The following KNDC1 variants were observed in gnomAD, a reference collection of about 807,000 sequenced individuals.
The protein encoded by KNDC1 is kinase non-catalytic C-lobe domain-containing protein 1.
Under a neutral mutation model 172.8 loss-of-function variants are expected in KNDC1, and 106 were observed. The observed-to-expected ratio is 0.61, with a 90% CI of 0.52 to 0.72. The LOEUF (loss-of-function observed/expected upper bound fraction) is 0.72. Among genes scored for constraint, KNDC1 ranks in the 30% least tolerant of loss-of-function variants. KNDC1 has a pLI of 0.00. For synonymous variants in KNDC1, 1,083 were observed against 1,062.2 expected, an observed-to-expected ratio of 1.02 and a Z score of -0.38; for missense variants, 2,325 against 2,394.5, an observed-to-expected ratio of 0.97 and a Z score of 0.61.
chr10:133,189,536 C>A (rs1854020236), intron 7 of KNDC1, 62 bp from the exon 8 acceptor site: 1 of 1,530,460 alleles, frequency 6.5e-7, no homozygotes, highest in Non-Finnish European at 9.0e-7. Flanking sequence ...AGCTCCTTCC[C>A]CCCAGCCAGC....
Position 133,168,323 on chromosome 10 carries a change from G to C in KNDC1, c.360+11G>C, listed in dbSNP as rs1461250456. 6.2e-7 allele frequency: 1 copy of C among 1,613,494 alleles called. No individual in the cohort carries two copies. The highest frequency in any genetic ancestry group is 8.5e-7 in the Non-Finnish European group (1 of 1,179,388). On this transcript the variant is annotated intron_variant, in intron 3 of 29. Transcript: ENST00000304613. ...GGGAACACCTTTGAGGTAAGTGCAGGTGGGGGTAATGTGCCACACCCCCCT... is the reference window on the plus strand; with the variant it reads ...GGGAACACCTTTGAGGTAAGTGCAGCTGGGGGTAATGTGCCACACCCCCCT...
Position 133,207,221 on chromosome 10 carries a change from G to C in KNDC1, c.3664G>C (p.Asp1222His). 1 of 1,612,604 alleles carries C rather than the reference G, an allele frequency of 6.2e-7. No individual in the cohort carries two copies. The highest frequency in any genetic ancestry group is 1.1e-5 in the South Asian group (1 of 91,076). The stretch of plus-strand genomic sequence containing the variant: ...CGCGGCCGCACCCTGCGACACGCTG[G>C]ACTTCAGCCCCCTGGACGAGTCCTC... Reference protein sequence around the residue: ...NIAAAPCDTLDFSPLDESSSL... With the variant: ...NIAAAPCDTLHFSPLDESSSL... The change falls in exon 20 of 30, where the codon GAC becomes CAC. Residue 1222 changes from aspartate (D) to histidine (H), a missense_variant. Physicochemically the swap from Asp to His is moderately conservative, Grantham distance 81. Transcript: ENST00000304613.
chr10:133,196,797 G>A (rs940782379), intron 10 of KNDC1, among the ~76,000 whole-genome samples: 5 of 152,192 alleles, frequency 3.3e-5, no homozygotes, highest in South Asian at 4.1e-4. Context: ...TCCAGGCGAC[G>A]AGGCTACCAG....
chr10:133,222,352 C>A (rs1009220320), intron 29 of KNDC1, among the ~76,000 whole-genome samples: 1 of 152,192 alleles, frequency 6.6e-6, no homozygotes, highest in Non-Finnish European at 1.5e-5. Flanking sequence ...CACTTGCTCT[C>A]CACAGCGTCC....
chr10:133,207,223 C>T lies in KNDC1; in HGVS notation c.3666C>T (p.Asp1222=). The T allele has an allele frequency of 4.3e-6, 7 of 1,612,736 alleles. No homozygotes were observed. Among genetic ancestry groups the T allele is most frequent in the Non-Finnish European group, 5.9e-6 (7 of 1,179,942 alleles). The change falls in exon 20 of 30, where the codon GAC becomes GAT. Residue 1222 remains aspartate, a synonymous_variant. Transcript: ENST00000304613. The part of the protein sequence containing the change: ...NIAAAPCDTL[D]FSPLDESSSL... ...CGGCCGCACCCTGCGACACGCTGGA[C>T]TTCAGCCCCCTGGACGAGTCCTCCT... is the stretch of plus-strand genomic sequence containing the variant.
At position 133,163,159 on chromosome 10, in the gene KNDC1, G is replaced by A. The variant is rs982975962; in HGVS notation, c.102+2590G>A. On this transcript the variant is annotated intron_variant, in intron 1 of 29. Transcript: ENST00000304613. The surrounding 1 kb of genome is among the most constrained non-coding windows in gnomAD (Gnocchi z 4.4). ...GCAGAAGAGGCACACAGTCCAGGCG[G>A]CTGGAGTCGATGGATGGGCAATGCT... Among the ~76,000 whole-genome samples the A allele has an allele frequency of 1.3e-5, 2 of 152,214 alleles. No homozygotes were observed. Among genetic ancestry groups the A allele is most frequent in the Admixed American group, 1.3e-4 (2 of 15,284 alleles).
At position 133,212,849 on chromosome 10, in the gene KNDC1, G is replaced by C. The variant is rs142851422; in HGVS notation, c.4370G>C (p.Ser1457Thr). 3.2e-5 allele frequency: 52 copies of C among 1,613,876 alleles called. No homozygotes were observed. The highest frequency in any genetic ancestry group is 4.3e-5 in the Non-Finnish European group (51 of 1,179,968). ...EDFYGPCAKT[S>T]EKGPYFLTEY... is the part of the protein sequence containing the mutation. ...TTCTACGGCCCCTGCGCCAAGACCA[G>C]TGAGAAGGGGCCCTACTTCCTGACG... The change falls in exon 24 of 30, where the codon AGT becomes ACT. Residue 1457 changes from serine to threonine, a missense_variant. Coordinates refer to ENST00000304613, the MANE Select transcript of KNDC1 (RefSeq NM_152643.8).
chr10:133,179,010 C>G (rs1225650090), intron 3 of KNDC1: 2 of 152,252 alleles, frequency 1.3e-5, no homozygotes, highest in Non-Finnish European at 2.9e-5. Flanking sequence ...CACCTGTTTT[C>G]AAAGCAGTGA....
chr10:133,211,946 C>G, intron 23 of KNDC1, 88 bp downstream of exon 23: 1 of 1,285,970 alleles, frequency 7.8e-7, no homozygotes, highest in Admixed American at 2.7e-5. Flanking sequence ...GGTGCATGCA[C>G]ACACATACAC....
chr10:133,197,748 C>G lies in KNDC1; in HGVS notation c.1886C>G (p.Pro629Arg). ...SVVELKPSVA[P>R]APEPSPGFLP... ...GTTGAACTGAAGCCCAGTGTGGCAC[C>G]AGCCCCAGAGCCCAGCCCAGGTGGG... The change falls in exon 12 of 30, where the codon CCA (proline) becomes CGA (arginine). Residue 629 changes from proline (P) to arginine (R), a missense_variant. Physicochemically the swap from Pro to Arg is moderately radical, Grantham distance 103 (BLOSUM62 -2). Transcript: ENST00000304613. 6.2e-7 allele frequency: 1 copy of G among 1,612,568 alleles called. No individual in the cohort carries two copies. Among genetic ancestry groups the G allele is most frequent in the Non-Finnish European group, 8.5e-7 (1 of 1,179,830 alleles).
chr10:133,184,224 CACACACACCCAT>C, intron 5 of KNDC1, among the ~76,000 whole-genome samples: 3 of 60,626 alleles, frequency 4.9e-5, no homozygotes, highest in Middle Eastern at 0.013. Flanking sequence ...CACACCCATG[CACACACACCCAT>C]GCGCACACAC....
At chr10:133,212,482 C>T (rs1418821221) in intron 23 of KNDC1, among the ~76,000 whole-genome samples, 3 of 152,232 alleles carry the variant, frequency 2.0e-5, no homozygotes, top group Non-Finnish European at 4.4e-5. Context: ...AATGCCCTCT[C>T]CATTAAACCT....
At chr10:133,220,819 C>G (rs556509056) in intron 29 of KNDC1, among the ~76,000 whole-genome samples, 151 of 100,826 alleles carry the variant, frequency 1.5e-3, no homozygotes, top group Middle Eastern at 0.017. Flanking sequence ...GCGCCCAGGT[C>G]AGGAGGGGCT....
rs780584119 is a variant in KNDC1 at position 133,168,322 on chromosome 10, G to T, written c.360+10G>T. ...CGGGAACACCTTTGAGGTAAGTGCA[G>T]GTGGGGGTAATGTGCCACACCCCCC... On this transcript the variant is annotated intron_variant, in intron 3 of 29. Transcript: ENST00000304613. 12 of 1,613,456 alleles carry T rather than the reference G, an allele frequency of 7.4e-6. No individual in the cohort carries two copies. The highest frequency in any genetic ancestry group is 1.0e-5 in the Non-Finnish European group (12 of 1,179,480).
At chr10:133,167,749 C>T (rs1025948648) in intron 2 of KNDC1, among the ~76,000 whole-genome samples, 170 bp downstream of exon 2, 9 of 151,896 alleles carry the variant, frequency 5.9e-5, no homozygotes, top group East Asian at 2.0e-4. Context: ...GGAGAGTGGC[C>T]GAGGGTCCGT....
intron 9 of KNDC1, among the ~76,000 whole-genome samples, chr10:133,195,140 C>T (rs753202797): frequency 2.0e-5 from 3 of 152,228 alleles, no homozygotes; most frequent in Non-Finnish European, 4.4e-5. Context: ...GTGGAACTTA[C>T]AAAACGTGCA....
chr10:133,180,117 C>T (rs989507687), intron 3 of KNDC1, among the ~76,000 whole-genome samples: 8 of 152,252 alleles, frequency 5.3e-5, no homozygotes, highest in South Asian at 4.1e-4. Flanking sequence ...TGCTCTTCGC[C>T]GGTGGCTCAA....
intron 7 of KNDC1, 41 bp from the exon 8 acceptor site, chr10:133,189,557 G>C: frequency 1.3e-6 from 2 of 1,594,514 alleles, no homozygotes; most frequent in Non-Finnish European, 1.7e-6. Flanking sequence ...CCCAAGTGCG[G>C]GGCAGCATGC....
At chr10:133,197,244 C>T (rs1854219039) in intron 11 of KNDC1, 109 bp downstream of exon 11, 2 of 819,820 alleles carry the variant, frequency 2.4e-6, no homozygotes, top group Admixed American at 4.1e-5. Context: ...ACCCCGGTCT[C>T]TGTTGACCAC....
Sources: allele counts gnomAD v4.1 joint callset (sites outside exome capture counted in the v4.1 genomes callset), GRCh38; gene constraint gnomAD v4.1.1; non-coding constraint Gnocchi (gnomAD v3.1); transcripts MANE v1.5; gene names NCBI Gene and HGNC (gene_info 2026-07-23, HGNC 2026-07-21).